AKAP12: variants seen among roughly 807,000 people sequenced by gnomAD.
The protein encoded by AKAP12 is A-kinase anchor protein 12.
A neutral mutation model predicts 79.9 loss-of-function variants in AKAP12; 32 were observed. That is an observed-to-expected ratio of 0.40 (90% CI 0.30 to 0.54). The LOEUF (loss-of-function observed/expected upper bound fraction) is 0.54. AKAP12 is among the 20% of genes least tolerant of loss of function. The pLI is 0.48. For missense variants in AKAP12, 2,074 were observed against 2,177.0 expected (o/e 0.95, Z 0.94); for synonymous variants, 808 against 857.0 (o/e 0.94, Z 1.00).
At chr6:151,250,669 G>C (rs1471731571) in intron 2 of AKAP12, among the ~76,000 whole-genome samples, 3 of 149,342 alleles carry the variant, frequency 2.0e-5, no homozygotes, top group Admixed American at 6.7e-5. Context: ...GCAGTGGCGC[G>C]ATCTCGGCTC....
intron 3 of AKAP12, chr6:151,325,065 A>G (rs1340706820): frequency 1.9e-5 from 19 of 985,320 alleles, no homozygotes; most frequent in Non-Finnish European, 2.3e-5. Flanking sequence ...AGTGTTGAAG[A>G]CAGCACTTGT....
At chr6:151,336,106 T>C (rs947257045) in intron 3 of AKAP12, among the ~76,000 whole-genome samples, 1 of 152,246 alleles carries the variant, frequency 6.6e-6, no homozygotes, top group Non-Finnish European at 1.5e-5. Flanking sequence ...TTTCCTTCTT[T>C]TTCATGGCTG....
At chr6:151,278,442 CT>C in intron 2 of AKAP12, among the ~76,000 whole-genome samples, 1 of 152,124 alleles carries the variant, frequency 6.6e-6, no homozygotes, top group East Asian at 1.9e-4. Context: ...TCTCGAACTC[CT>C]TACCTCAGGT....
At chr6:151,290,166 T>C (rs541200534) in intron 2 of AKAP12, among the ~76,000 whole-genome samples, 1 of 152,286 alleles carries the variant, frequency 6.6e-6, no homozygotes, top group East Asian at 1.9e-4. Context: ...TTAATGCTTA[T>C]AGGGACTAGA....
intron 3 of AKAP12, among the ~76,000 whole-genome samples, chr6:151,330,944 T>G (rs1302883372): frequency 6.6e-6 from 1 of 152,104 alleles, no homozygotes; most frequent in Non-Finnish European, 1.5e-5. Flanking sequence ...CGTTTGCAGC[T>G]TTGGGGACGG....
intron 2 of AKAP12, among the ~76,000 whole-genome samples, chr6:151,301,711 C>T (rs1776865854): frequency 6.6e-6 from 1 of 152,172 alleles, no homozygotes; most frequent in Admixed American, 6.5e-5. Context: ...CCTGAGACAT[C>T]ACCCTTGAGG....
chr6:151,345,605 T>G (rs1778072267), intron 3 of AKAP12, among the ~76,000 whole-genome samples: 1 of 150,560 alleles, frequency 6.6e-6, no homozygotes, highest in Non-Finnish European at 1.5e-5. Flanking sequence ...GAGACCAGCC[T>G]GGCCAACATG....
At chr6:151,312,163 C>T (rs1777119732) in intron 3 of AKAP12, among the ~76,000 whole-genome samples, 1 of 152,192 alleles carries the variant, frequency 6.6e-6, no homozygotes, top group African/African-American at 2.4e-5. Context: ...CTCTCACCCA[C>T]ACTTTGGCTA....
rs374662474 is a variant in AKAP12 at position 151,351,724 on chromosome 6, G to C, written c.3333G>C (p.Val1111=). 2.3e-5 allele frequency: 37 copies of C among 1,614,066 alleles called. No individual in the cohort carries two copies. The highest frequency in any genetic ancestry group is 3.1e-5 in the Non-Finnish European group (36 of 1,180,050). Reference sequence around the variant, plus strand: ...CTGAGCCTTTTACACAAGGGAAGGTGGTGGGGCAGACCACCCCAGAAAGCT... The same window carrying C: ...CTGAGCCTTTTACACAAGGGAAGGTCGTGGGGCAGACCACCCCAGAAAGCT... ...AKTEPFTQGK[V]VGQTTPESFE... The change falls in exon 4 of 5, where the codon GTG becomes GTC. Residue 1111 remains valine (V), a synonymous_variant. Transcript: ENST00000402676. This position sits in a 1 kb window ranked among gnomAD's most constrained non-coding sequence, Gnocchi z 4.4.
At chr6:151,250,431 G>A (rs1161051457) in intron 2 of AKAP12, among the ~76,000 whole-genome samples, 2 of 151,414 alleles carry the variant, frequency 1.3e-5, no homozygotes, top group East Asian at 2.0e-4. Context: ...CACGGGAGGC[G>A]GAGCTTGCAG....
chr6:151,265,198 C>A (rs1389018660), intron 2 of AKAP12, among the ~76,000 whole-genome samples: 6 of 144,610 alleles, frequency 4.1e-5, no homozygotes, highest in Admixed American at 2.2e-4. Context: ...TAAATTTATA[C>A]ATGTAAATCA....
In AKAP12 at chr6:151,348,697, C is replaced by CCCCCCCCCT; in HGVS notation, c.320-14_320-13insCCCCCCCCT. On this transcript the variant is annotated splice_polypyrimidine_tract_variant and intron_variant, in intron 3 of 4. Transcript: ENST00000402676. ...TTCTCTTCTCCCCACCCCCCCGCCC[C>CCCCCCCCCT]TTTTTGTTAATAGTTGGACAGAGAG... The CCCCCCCCCT allele has an allele frequency of 1.5e-6, 1 of 650,664 alleles. No individual in the cohort carries two copies. Among genetic ancestry groups the CCCCCCCCCT allele is most frequent in the South Asian group, 2.5e-5 (1 of 40,482 alleles). 40.3% of individuals were successfully genotyped at this position (650,664 alleles called of 1,614,324 possible).
intron 2 of AKAP12, among the ~76,000 whole-genome samples, chr6:151,294,931 G>T (rs751061758): frequency 3.9e-5 from 6 of 152,166 alleles, no homozygotes; most frequent in Admixed American, 3.9e-4. Context: ...AGAAAATGCA[G>T]TGATTTCCTC....
intron 2 of AKAP12, among the ~76,000 whole-genome samples, chr6:151,259,335 G>A (rs969890799): frequency 3.7e-4 from 56 of 150,882 alleles, no homozygotes; most frequent in Admixed American, 3.1e-3. Context: ...TGTGAGCCAC[G>A]GCGCCCGGCC....
rs535027217 is a variant in AKAP12 at position 151,337,524 on chromosome 6, A to AAAAAAG, written c.320-11184_320-11183insAAGAAA. Among the ~76,000 whole-genome samples, 5 of 129,808 alleles carry AAAAAAG rather than the reference A, an allele frequency of 3.9e-5. 1 individual carries two copies. Among genetic ancestry groups the AAAAAAG allele is most frequent in the African/African-American group, 1.7e-4 (5 of 29,058 alleles). The allele number at this position is 129,808 out of a possible 152,430, so 85.2% of individuals were successfully genotyped here. A position where few individuals can be genotyped will look rare whatever the true frequency, so the allele number is the denominator to read the frequency against. On this transcript the variant is annotated intron_variant, in intron 3 of 4. Transcript: ENST00000402676. ...GAGTTTCCGTCTCGAAAAAAAAAAA[A>AAAAAAG]AAAGAAAGAAAGAAAGATAACTGTA... is the stretch of plus-strand genomic sequence containing the variant.
At chr6:151,325,002 A>G (rs1777487708) in intron 3 of AKAP12, 1 of 985,482 alleles carries the variant, frequency 1.0e-6, no homozygotes, top group African/African-American at 1.7e-5. Flanking sequence ...AACTTCTGCC[A>G]TTTAGAAAAA....
Position 151,346,909 on chromosome 6 carries a change from G to A in AKAP12, c.320-1802G>A, listed in dbSNP as rs187250215. ...TATTGACATTTCTTTTTTCCTTAAA[G>A]AAGCGCTCCCTTCTCCTCATTTACC... On this transcript the variant is annotated intron_variant, in intron 3 of 4. Transcript: ENST00000402676. Among the ~76,000 whole-genome samples the A allele has an allele frequency of 1.4e-4, 22 of 152,268 alleles. No individual in the cohort carries two copies. The East Asian group carries it at 3.9e-3, about 27-fold the overall frequency.
At chr6:151,299,420 GATAAAACCAA>G (rs1199685122) in intron 2 of AKAP12, among the ~76,000 whole-genome samples, 3 of 151,984 alleles carry the variant, frequency 2.0e-5, no homozygotes, top group Non-Finnish European at 4.4e-5. Context: ...CCTCTAAGAG[GATAAAACCAA>G]ACAACAACAA....
At chr6:151,288,677 G>A (rs962242514) in intron 2 of AKAP12, among the ~76,000 whole-genome samples, 5 of 152,162 alleles carry the variant, frequency 3.3e-5, no homozygotes, top group Non-Finnish European at 4.4e-5. Flanking sequence ...TGAACTGCCT[G>A]TCACTCTTCC....
Sources: gnomAD v4.1 joint callset for allele counts (sites outside exome capture counted in the v4.1 genomes callset) on GRCh38, gnomAD v4.1.1 for gene constraint, Gnocchi (gnomAD v3.1) non-coding constraint, MANE v1.5 for transcripts, NCBI Gene and HGNC (gene_info 2026-07-23, HGNC 2026-07-21) for gene names.